AK5: variants seen among roughly 807,000 people sequenced by gnomAD.
AK5 encodes the protein adenylate kinase isoenzyme 5.
In AK5, 27 loss-of-function variants were observed where a neutral mutation model predicts 69.5. The ratio of observed to expected loss-of-function variants is 0.39; its 90% CI spans 0.29 to 0.54. The LOEUF (loss-of-function observed/expected upper bound fraction) is 0.54, where lower values mean the gene tolerates loss of function less well. AK5 is among the 20% of genes least tolerant of loss of function. AK5 has a pLI of 0.71. For missense variants in AK5, 531 were observed against 700.4 expected, an observed-to-expected ratio of 0.76 and a Z score of 2.73; for synonymous variants, 260 against 244.4, an observed-to-expected ratio of 1.06 and a Z score of -0.60.
In AK5 at chr1:77,523,995, G is replaced by T. The variant is rs1658138849; in HGVS notation, c.1428+2052G>T. 2.0e-5 allele frequency among the ~76,000 whole-genome samples: 3 copies of T among 152,058 alleles called. No homozygotes were observed. The South Asian group carries it at 6.2e-4, about 32-fold the overall frequency. ...CTCTACCCTCTCCCTCCTTTCCCCA[G>T]CTCCTGACAACCACCATTTTTCTTC... On this transcript the variant is annotated intron_variant, in intron 12 of 13. Transcript: ENST00000354567.
At chr1:77,284,078 GA>G (rs780781160) in intron 1 of AK5, among the ~76,000 whole-genome samples, 1 of 152,156 alleles carries the variant, frequency 6.6e-6, no homozygotes, top group Non-Finnish European at 1.5e-5. Context: ...ATATGAATGG[GA>G]TAAATAATGC....
chr1:77,442,741 C>T (rs1652405015), intron 8 of AK5, among the ~76,000 whole-genome samples: 1 of 152,128 alleles, frequency 6.6e-6, no homozygotes, highest in Non-Finnish European at 1.5e-5. Context: ...TTCTAGACAG[C>T]CATCTTGCTG....
At chr1:77,364,397 T>C (rs1240030343) in intron 6 of AK5, among the ~76,000 whole-genome samples, 1 of 152,224 alleles carries the variant, frequency 6.6e-6, no homozygotes, top group Non-Finnish European at 1.5e-5. Flanking sequence ...ATCTTCCTTC[T>C]AGCTATTTGA....
chr1:77,326,022 AG>A, intron 5 of AK5, among the ~76,000 whole-genome samples: 1 of 152,340 alleles, frequency 6.6e-6, no homozygotes, highest in East Asian at 1.9e-4. Flanking sequence ...AGGATGTGCA[AG>A]AAAAATTTGA....
intron 6 of AK5, among the ~76,000 whole-genome samples, chr1:77,398,090 T>C (rs1286358950): frequency 1.3e-5 from 2 of 152,158 alleles, no homozygotes; most frequent in African/African-American, 4.8e-5. Context: ...GAACTGACCA[T>C]ATTTGGCCAT....
intron 10 of AK5, among the ~76,000 whole-genome samples, chr1:77,496,994 G>A (rs139754489): frequency 0.015 from 2,238 of 152,342 alleles, 57 homozygotes; most frequent in African/African-American, 0.051. Flanking sequence ...ACCCCAGCCA[G>A]CAGCAGCAAC....
intron 5 of AK5, chr1:77,315,199 A>G (rs1660181871): frequency 6.6e-6 from 1 of 152,092 alleles, no homozygotes. Flanking sequence ...CTTCCCAGAA[A>G]GCAGACACCT....
chr1:77,297,447 A>C (rs1659076588), intron 3 of AK5, 112 bp from the exon 4 acceptor site: 1 of 971,240 alleles, frequency 1.0e-6, no homozygotes, highest in Admixed American at 2.7e-5. Context: ...GGAACTGTTA[A>C]CCACCCTGTC....
intron 7 of AK5, among the ~76,000 whole-genome samples, chr1:77,413,408 A>G (rs918227585): frequency 2.6e-5 from 4 of 152,098 alleles, no homozygotes; most frequent in Admixed American, 1.3e-4. Context: ...CCCAGACTAG[A>G]TTAGGCCCTT....
chr1:77,528,336 T>C (rs192574135), intron 12 of AK5, among the ~76,000 whole-genome samples: 3 of 152,202 alleles, frequency 2.0e-5, no homozygotes, highest in Admixed American at 2.0e-4. Context: ...CTGGAGAGGT[T>C]TTAACCAGCC....
At chr1:77,318,582 A>T (rs1224410207) in intron 5 of AK5, among the ~76,000 whole-genome samples, 2 of 152,182 alleles carry the variant, frequency 1.3e-5, no homozygotes, top group Non-Finnish European at 2.9e-5. Flanking sequence ...TAGGTGCATG[A>T]GTCTCCATGG....
At chr1:77,355,950 G>A (rs920209909) in intron 6 of AK5, among the ~76,000 whole-genome samples, 2 of 151,398 alleles carry the variant, frequency 1.3e-5, no homozygotes, top group Admixed American at 6.6e-5. Flanking sequence ...TATATATGGG[G>A]GAAGAAAGAG....
At chr1:77,338,580 G>A (rs1661486767) in intron 5 of AK5, among the ~76,000 whole-genome samples, 1 of 151,474 alleles carries the variant, frequency 6.6e-6, no homozygotes, top group Non-Finnish European at 1.5e-5. Context: ...ATCAGCAAAA[G>A]GTAGTGGTTG....
intron 5 of AK5, among the ~76,000 whole-genome samples, chr1:77,321,224 C>G (rs547989116): frequency 6.6e-6 from 1 of 152,286 alleles, no homozygotes; most frequent in South Asian, 2.1e-4. Flanking sequence ...ATAATCCCAG[C>G]ATTTTGGGAG....
intron 12 of AK5, chr1:77,532,231 A>G: frequency 6.4e-6 from 1 of 155,460 alleles, no homozygotes; most frequent in Non-Finnish European, 1.4e-5. Flanking sequence ...GCCAAGGCGG[A>G]GGAGGCGCTG....
intron 5 of AK5, among the ~76,000 whole-genome samples, chr1:77,299,883 C>A (rs1659236377): frequency 6.6e-6 from 1 of 151,978 alleles, no homozygotes; most frequent in African/African-American, 2.4e-5. Context: ...TGTTGAATAT[C>A]TTTCTTTTTT....
intron 8 of AK5, among the ~76,000 whole-genome samples, chr1:77,439,756 A>ATATG (rs1191877014): frequency 2.0e-4 from 30 of 150,632 alleles, no homozygotes. Context: ...ATAAAAAAGA[A>ATATG]TATGTATGTA....
In AK5 at chr1:77,297,732, C is replaced by T; in HGVS notation, c.585+4C>T. 6.2e-7 allele frequency: 1 copy of T among 1,610,660 alleles called. No individual in the cohort carries two copies. The highest frequency in any genetic ancestry group is 8.5e-7 in the Non-Finnish European group (1 of 1,178,960). ...AACTGGAGAATTGGCCCCACAGGTA[C>T]TGCTGTATAATTATCTTTTATTCTG... On this transcript the variant is annotated splice_donor_region_variant and intron_variant, in intron 4 of 13. Transcript: ENST00000354567.
chr1:77,391,140 C>A (rs1033048222), intron 6 of AK5, among the ~76,000 whole-genome samples: 3 of 152,136 alleles, frequency 2.0e-5, no homozygotes, highest in African/African-American at 7.2e-5. Context: ...GAGTCAGACA[C>A]AAATAAATGG....
Sources: gnomAD v4.1 joint callset for allele counts (sites outside exome capture counted in the v4.1 genomes callset) on GRCh38, gnomAD v4.1.1 for gene constraint, MANE v1.5 for transcripts, NCBI Gene and HGNC (gene_info 2026-07-23, HGNC 2026-07-21) for gene names.